The following CPS1 variants were observed in gnomAD, a reference collection of about 807,000 sequenced individuals.
CPS1 encodes carbamoyl-phosphate synthase 1, also known as carbamoyl-phosphate synthase [ammonia], mitochondrial.
A neutral mutation model predicts 174.6 loss-of-function variants in CPS1; 109 were observed. The ratio of observed to expected loss-of-function variants is 0.62; its 90% confidence interval spans 0.53 to 0.73. CPS1 has a LOEUF of 0.73. Among genes scored for constraint, CPS1 ranks in the 30% least tolerant of loss-of-function variants. The pLI is 0.00. For missense variants in CPS1, 1,689 were observed against 1,821.9 expected (o/e 0.93, Z 1.33); for synonymous variants, 637 against 632.0 (o/e 1.01, Z -0.12).
Position 210,648,547 on chromosome 2 carries a change from C to T in CPS1, c.3404+7C>T. 2.5e-6 allele frequency: 4 copies of T among 1,611,568 alleles called. No homozygotes were observed. The highest frequency in any genetic ancestry group is 2.2e-5 in the South Asian group (2 of 91,026). On this transcript the variant is annotated splice_region_variant and intron_variant, in intron 27 of 37. Coordinates refer to ENST00000233072, the MANE Select transcript of CPS1 (RefSeq NM_001875.5). ...GGCCTTCCTATGTTTTGAGGTAACA[C>T]TGTATATTGTTTTCCAAAACAATGA...
intron 1 of CPS1, among the ~76,000 whole-genome samples, chr2:210,537,061 G>A (rs903847566): frequency 4.6e-5 from 7 of 152,108 alleles, no homozygotes; most frequent in South Asian, 2.1e-4. Context: ...GATACCAGAT[G>A]CATTTAAATA....
chr2:210,648,910 T>C (rs150171579), intron 27 of CPS1, among the ~76,000 whole-genome samples: 189 of 152,366 alleles, frequency 1.2e-3, no homozygotes, highest in African/African-American at 4.3e-3. Flanking sequence ...TTGACTATTG[T>C]CAGCACCTTC....
intron 1 of CPS1, among the ~76,000 whole-genome samples, chr2:210,495,383 T>G (rs1349363712): frequency 6.6e-6 from 1 of 152,158 alleles, no homozygotes; most frequent in African/African-American, 2.4e-5. Context: ...AAGAACTAGG[T>G]CTGAGCCTAA....
At chr2:210,512,778 A>C (rs191789810) in intron 1 of CPS1, among the ~76,000 whole-genome samples, 3,935 of 76,554 alleles carry the variant, frequency 0.051, 217 homozygotes, top group Admixed American at 0.075. Flanking sequence ...ATATATATAT[A>C]TATATATGGA....
chr2:210,525,360 C>A (rs1695944394), intron 1 of CPS1, among the ~76,000 whole-genome samples: 1 of 151,956 alleles, frequency 6.6e-6, no homozygotes, highest in African/African-American at 2.4e-5. Flanking sequence ...GGCAAACTAT[C>A]ATGTTCATTC....
intron 1 of CPS1, among the ~76,000 whole-genome samples, chr2:210,483,985 G>A (rs552660059): frequency 6.6e-6 from 1 of 152,254 alleles, no homozygotes; most frequent in South Asian, 2.1e-4. Flanking sequence ...TTGTATTCTA[G>A]GTTTGAGGAG....
Position 210,630,402 on chromosome 2 carries a change from C to T in CPS1, c.2688-7300C>T, listed in dbSNP as rs557776437. Reference sequence around the variant, plus strand: ...GGTTTCCTTTTTAATGTTGATTTTACTGTTATTATTACTAGCCTTTAAGGT... The same window carrying T: ...GGTTTCCTTTTTAATGTTGATTTTATTGTTATTATTACTAGCCTTTAAGGT... On this transcript the variant is annotated intron_variant, in intron 21 of 37. Coordinates refer to ENST00000233072, the MANE Select transcript of CPS1 (RefSeq NM_001875.5). Among the ~76,000 whole-genome samples the T allele has an allele frequency of 2.0e-5, 3 of 152,178 alleles. No homozygotes were observed. In the South Asian group the frequency reaches 6.2e-4, roughly 32 times the overall value.
intron 7 of CPS1, among the ~76,000 whole-genome samples, chr2:210,588,592 C>T (rs895161854): frequency 2.0e-5 from 3 of 152,038 alleles, no homozygotes; most frequent in Non-Finnish European, 4.4e-5. Flanking sequence ...CTTAGACAAC[C>T]AGTTAAAATT....
At chr2:210,611,761 G>A (rs1699129355) in intron 19 of CPS1, among the ~76,000 whole-genome samples, 2 of 151,684 alleles carry the variant, frequency 1.3e-5, no homozygotes, top group Non-Finnish European at 2.9e-5. Context: ...AAGAACATGC[G>A]CATAAAGCAA....
intron 1 of CPS1, among the ~76,000 whole-genome samples, chr2:210,548,187 G>T (rs1405596122): frequency 6.6e-6 from 1 of 151,818 alleles, no homozygotes. Context: ...TTTCTATTGT[G>T]TACCTTTGTT....
At chr2:210,590,702 A>G in intron 8 of CPS1, 98 bp from the exon 9 acceptor site, 1 of 881,306 alleles carries the variant, frequency 1.1e-6, no homozygotes, top group Admixed American at 1.9e-5. Flanking sequence ...TATTCTCTTT[A>G]CCTTCTTAAG....
At chr2:210,511,237 T>C (rs926280792) in intron 1 of CPS1, among the ~76,000 whole-genome samples, 3 of 152,136 alleles carry the variant, frequency 2.0e-5, no homozygotes, top group Admixed American at 6.6e-5. Context: ...TGTAGGGACA[T>C]GGATGAAGCT....
At chr2:210,654,209 T>C in intron 29 of CPS1, 107 bp downstream of exon 29, 1 of 986,566 alleles carries the variant, frequency 1.0e-6, no homozygotes, top group Non-Finnish European at 1.6e-6. Context: ...ATAAAACAGG[T>C]CTCCAGTAAT....
intron 1 of CPS1, among the ~76,000 whole-genome samples, chr2:210,515,594 TTTG>T (rs917514409): frequency 2.6e-5 from 4 of 151,760 alleles, no homozygotes; most frequent in South Asian, 2.1e-4. Context: ...TCTCTCTCTT[TTTG>T]TTGTTAATCT....
intron 34 of CPS1, among the ~76,000 whole-genome samples, chr2:210,669,382 A>G (rs953967261): frequency 6.6e-6 from 1 of 152,128 alleles, no homozygotes; most frequent in African/African-American, 2.4e-5. Context: ...AAAACAACAA[A>G]TGGTCTTATA....
intron 1 of CPS1, among the ~76,000 whole-genome samples, chr2:210,557,992 A>G (rs1324531007): frequency 1.3e-5 from 2 of 151,644 alleles, no homozygotes; most frequent in Non-Finnish European, 2.9e-5. Context: ...AGAGATGGAG[A>G]CAGGGGGAGG....
At chr2:210,632,836 C>G (rs1389664157) in intron 21 of CPS1, among the ~76,000 whole-genome samples, 1 of 152,220 alleles carries the variant, frequency 6.6e-6, no homozygotes, top group Non-Finnish European at 1.5e-5. Context: ...TACCCAATAT[C>G]TGTATTCAAG....
At chr2:210,673,212 G>A (rs141143410) in intron 34 of CPS1, 3 of 152,314 alleles carry the variant, frequency 2.0e-5, no homozygotes, top group East Asian at 1.9e-4. Context: ...AAGAAGAATG[G>A]ATATGTTTTT....
intron 5 of CPS1, 80 bp downstream of exon 5, chr2:210,579,850 C>CA: frequency 9.1e-6 from 10 of 1,097,816 alleles, no homozygotes; most frequent in South Asian, 1.3e-5. Context: ...TCCCTCAGTG[C>CA]CTAAGGGATC....
Sources: gnomAD v4.1 joint callset for allele counts (sites outside exome capture counted in the v4.1 genomes callset) on GRCh38, gnomAD v4.1.1 for gene constraint, MANE v1.5 for transcripts, NCBI Gene and HGNC (gene_info 2026-07-23, HGNC 2026-07-21) for gene names.